The following SPRY3 variants were observed in gnomAD, a reference collection of about 807,000 sequenced individuals.
SPRY3 encodes the protein sprouty RTK signaling antagonist 3.
A neutral mutation model predicts 20.2 loss-of-function variants in SPRY3; 15 were observed. The ratio of observed to expected loss-of-function variants is 0.74; its 90% CI spans 0.50 to 1.14. The LOEUF (loss-of-function observed/expected upper bound fraction) is 1.14, where lower values mean the gene tolerates loss of function less well. SPRY3 is among the 50% of genes most tolerant of loss of function. The probability of loss-of-function intolerance (pLI) is 0.00; values close to 1 mark genes in which losing one functional copy is unlikely to be tolerated. For missense variants in SPRY3, 364 were observed against 363.9 expected, an observed-to-expected ratio of 1.00 and a Z score of 0.00; for synonymous variants, 143 against 136.5, an observed-to-expected ratio of 1.05 and a Z score of -0.33.
intron 1 of SPRY3, among the ~76,000 whole-genome samples, chrX:155,643,280 T>G (rs2067947832): frequency 8.9e-6 from 1 of 112,091 alleles, no homozygotes; most frequent in South Asian, 3.7e-4. Flanking sequence ...TTGTCTGATG[T>G]AAGTGTAACT....
chrX:155,692,242 G>C (rs774911167), intron 2 of SPRY3, among the ~76,000 whole-genome samples: 94 of 110,918 alleles, frequency 8.5e-4, no homozygotes, highest in African/African-American at 3.0e-3. Flanking sequence ...TACACTGTGA[G>C]GCAAAAGTCA....
At chrX:155,704,036 C>A (rs1364775378) in intron 2 of SPRY3, among the ~76,000 whole-genome samples, 3 of 151,826 alleles carry the variant, frequency 2.0e-5, no homozygotes, top group Non-Finnish European at 2.9e-5. Context: ...AAGGCGTGTG[C>A]ATTTCAAGGC....
chrX:155,772,247 G>C (rs1305852250), intron 3 of SPRY3, among the ~76,000 whole-genome samples: 2 of 152,114 alleles, frequency 1.3e-5, no homozygotes, highest in African/African-American at 4.8e-5. Context: ...CAGCTTATCA[G>C]GTTTGCATGA....
chrX:155,777,568 TA>T (rs1326902863), downstream of SPRY3: 2 of 76,292 alleles, frequency 2.6e-5, no homozygotes, highest in African/African-American at 1.3e-4. Context: ...GCTTTACGTA[TA>T]GATGGGTCCT....
intron 2 of SPRY3, among the ~76,000 whole-genome samples, chrX:155,681,375 G>A (rs993379816): frequency 8.9e-6 from 1 of 112,073 alleles, no homozygotes; most frequent in African/African-American, 3.3e-5. Context: ...CCAACCACGT[G>A]GAACTGTAAG....
At chrX:155,739,246 G>A (rs1307605712) in intron 2 of SPRY3, among the ~76,000 whole-genome samples, 1 of 152,180 alleles carries the variant, frequency 6.6e-6, no homozygotes, top group Non-Finnish European at 1.5e-5. Flanking sequence ...GGATGTGTGG[G>A]GAGGGGCTCC....
chrX:155,740,983 C>T (rs2091202028), intron 2 of SPRY3, among the ~76,000 whole-genome samples: 1 of 152,098 alleles, frequency 6.6e-6, no homozygotes, highest in Non-Finnish European at 1.5e-5. Flanking sequence ...CCGGCCGACA[C>T]TTATGGAAAA....
In SPRY3 at chrX:155,743,333, G is replaced by A. The variant is rs767975117; in HGVS notation, c.-281-24629G>A. ...CTCCCCATGGCAGTACTCTGAATTA[G>A]TTCTGGGGATGTGCACATGGTCATG... On this transcript the variant is annotated intron_variant, in intron 2 of 3. Transcript: ENST00000675360. 9.9e-5 allele frequency among the ~76,000 whole-genome samples: 15 copies of A among 152,262 alleles called. 1 individual carries two copies. In the South Asian group the frequency reaches 2.1e-3, roughly 21 times the overall value.
intron 2 of SPRY3, among the ~76,000 whole-genome samples, chrX:155,714,748 T>C (rs925230175): frequency 6.6e-6 from 1 of 152,104 alleles, no homozygotes. Context: ...GCAATTTACC[T>C]GATGTTCTAT....
intron 1 of SPRY3, among the ~76,000 whole-genome samples, chrX:155,645,111 C>T (rs1250823702): frequency 1.3e-4 from 15 of 111,672 alleles, no homozygotes; most frequent in African/African-American, 4.2e-4. Context: ...TCTGTCCCAG[C>T]GTTTGTCTAG....
chrX:155,733,731 T>A (rs1402133238), intron 2 of SPRY3, among the ~76,000 whole-genome samples: 1 of 152,134 alleles, frequency 6.6e-6, no homozygotes, highest in Non-Finnish European at 1.5e-5. Flanking sequence ...AACAGAAGAC[T>A]GTTTCATCAA....
At chrX:155,781,796 T>A (rs2091464592) in exon 2 of SPRY3, 1 of 167,076 alleles carries the variant, frequency 6.0e-6, no homozygotes, top group Admixed American at 6.5e-5. Flanking sequence ...AAGTTGTTTT[T>A]ATTTTAGTCA....
chrX:155,708,918 G>T (rs2090969184), intron 2 of SPRY3, among the ~76,000 whole-genome samples: 1 of 151,228 alleles, frequency 6.6e-6, no homozygotes, highest in South Asian at 2.1e-4. Flanking sequence ...TGAGGCTCTG[G>T]TATCCATTCT....
intron 2 of SPRY3, among the ~76,000 whole-genome samples, chrX:155,658,530 A>G (rs2067999094): frequency 8.9e-6 from 1 of 111,985 alleles, no homozygotes; most frequent in Admixed American, 9.5e-5. Flanking sequence ...TTGTACATTG[A>G]TTTTGTAGCC....
chrX:155,695,291 T>A (rs2068115267), intron 2 of SPRY3, among the ~76,000 whole-genome samples: 1 of 111,815 alleles, frequency 8.9e-6, no homozygotes, highest in Non-Finnish European at 1.9e-5. Context: ...TATTAAAGAA[T>A]CATTTCATTG....
chrX:155,766,883 T>C (rs2091334062), intron 2 of SPRY3, among the ~76,000 whole-genome samples: 1 of 152,086 alleles, frequency 6.6e-6, no homozygotes, highest in Non-Finnish European at 1.5e-5. Flanking sequence ...CCAGTGGCAA[T>C]GGATGGGCTG....
intron 2 of SPRY3, among the ~76,000 whole-genome samples, chrX:155,715,790 C>T (rs2091018167): frequency 6.6e-6 from 1 of 152,174 alleles, no homozygotes; most frequent in South Asian, 2.1e-4. Context: ...ATGTTCCCTC[C>T]ATGCACAGGT....
intron 2 of SPRY3, among the ~76,000 whole-genome samples, chrX:155,713,242 C>A (rs1789751463): frequency 1.3e-5 from 2 of 152,096 alleles, no homozygotes; most frequent in African/African-American, 2.4e-5. Flanking sequence ...GAAGCTTACA[C>A]ACCACTTACA....
At chrX:155,634,213 G>C (rs1327652486) in intron 1 of SPRY3, among the ~76,000 whole-genome samples, 1 of 111,599 alleles carries the variant, frequency 9.0e-6, no homozygotes, top group Admixed American at 9.5e-5. Context: ...GCCAAGATAG[G>C]AGAGGAACAC....
Sources: allele counts gnomAD v4.1 joint callset (sites outside exome capture counted in the v4.1 genomes callset), GRCh38; gene constraint gnomAD v4.1.1; transcripts MANE v1.5; gene names NCBI Gene and HGNC (gene_info 2026-07-23, HGNC 2026-07-21).